Variants in SMYD3 observed in about 807,000 individuals in gnomAD.
The protein encoded by SMYD3 is SET and MYND domain containing 3.
A neutral mutation model predicts 57.7 loss-of-function variants in SMYD3; 36 were observed. The observed-to-expected ratio is 0.62, with a 90% CI of 0.48 to 0.82. The LOEUF is 0.82. Among genes scored for constraint, SMYD3 ranks in the 40% least tolerant of loss-of-function variants. The pLI is 0.00. For missense variants in SMYD3, 515 were observed against 538.8 expected (o/e 0.96, Z 0.44); for synonymous variants, 211 against 195.0 (o/e 1.08, Z -0.68).
At chr1:246,441,107 C>T (rs761423742) in intron 1 of SMYD3, among the ~76,000 whole-genome samples, 2 of 152,132 alleles carry the variant, frequency 1.3e-5, no homozygotes, top group Admixed American at 6.5e-5. Context: ...CGTAAGTACA[C>T]GCACATTCCA....
intron 5 of SMYD3, among the ~76,000 whole-genome samples, chr1:246,259,066 G>A (rs1471492586): frequency 1.3e-5 from 2 of 152,116 alleles, no homozygotes; most frequent in Non-Finnish European, 2.9e-5. Context: ...TTCCAGAACT[G>A]GTTGATTTCT....
chr1:246,385,145 T>C (rs1053007268), intron 1 of SMYD3, among the ~76,000 whole-genome samples: 2 of 152,228 alleles, frequency 1.3e-5, no homozygotes, highest in African/African-American at 4.8e-5. Flanking sequence ...TTATCTTTTG[T>C]CTCCAGCATG....
At chr1:246,002,738 C>T (rs1276548526) in intron 5 of SMYD3, among the ~76,000 whole-genome samples, 1 of 152,150 alleles carries the variant, frequency 6.6e-6, no homozygotes, top group Non-Finnish European at 1.5e-5. Context: ...AGGCGCCCGC[C>T]ACCACGCCCG....
chr1:245,895,707 C>A (rs541480780), intron 8 of SMYD3, among the ~76,000 whole-genome samples: 9 of 152,188 alleles, frequency 5.9e-5, no homozygotes, highest in Admixed American at 1.3e-4. Context: ...CCGGTTTTCA[C>A]GGTTTACAGG....
At chr1:245,896,401 A>AAAAAC (rs2148600590) in intron 8 of SMYD3, among the ~76,000 whole-genome samples, 1 of 151,546 alleles carries the variant, frequency 6.6e-6, no homozygotes, top group African/African-American at 2.4e-5. Flanking sequence ...AAAAAAAAAA[A>AAAAAC]AAAAACAGGC....
At chr1:246,378,602 T>C (rs1041967577) in intron 1 of SMYD3, among the ~76,000 whole-genome samples, 24 of 144,604 alleles carry the variant, frequency 1.7e-4, no homozygotes, top group African/African-American at 6.0e-4. Context: ...TTGTGAGACC[T>C]TGTGATTGTG....
intron 1 of SMYD3, among the ~76,000 whole-genome samples, chr1:246,502,413 T>A (rs764640471): frequency 6.6e-6 from 1 of 152,200 alleles, no homozygotes; most frequent in Non-Finnish European, 1.5e-5. Context: ...ACTACAGGCA[T>A]GAGCCACCAT....
At chr1:246,257,231 A>T (rs530930765) in intron 5 of SMYD3, among the ~76,000 whole-genome samples, 3 of 152,258 alleles carry the variant, frequency 2.0e-5, no homozygotes, top group African/African-American at 7.2e-5. Context: ...TTTCTGCCTC[A>T]GTGATCTAAT....
intron 5 of SMYD3, among the ~76,000 whole-genome samples, chr1:246,202,000 C>A (rs1406517534): frequency 6.7e-6 from 1 of 149,476 alleles, no homozygotes; most frequent in African/African-American, 2.5e-5. Context: ...GCAACAGAGA[C>A]TCTGTCTCAA....
rs544015680 is a variant in SMYD3, at chr1:246,506,176, G to C, written c.164+878C>G. 3.2e-4 allele frequency among the ~76,000 whole-genome samples: 48 copies of C among 152,188 alleles called. 1 individual carries two copies. The highest frequency in any genetic ancestry group is 5.3e-4 in the Non-Finnish European group (36 of 68,044). On this transcript the variant is annotated intron_variant, in intron 1 of 11. Coordinates refer to ENST00000490107, the MANE Select transcript of SMYD3 (RefSeq NM_001167740.2). The stretch of plus-strand genomic sequence containing the variant: ...AAATCATCGCACTCATCTCAAAATA[G>C]AACTCTTCTTCCTCGCACACAGAAG...
chr1:246,267,315 T>C (rs1225298067), intron 5 of SMYD3, among the ~76,000 whole-genome samples: 1 of 152,206 alleles, frequency 6.6e-6, no homozygotes. Context: ...TGAAGTTTTA[T>C]CAATTAAGAA....
chr1:245,818,100 T>A (rs2048953487), intron 10 of SMYD3, among the ~76,000 whole-genome samples: 1 of 151,934 alleles, frequency 6.6e-6, no homozygotes, highest in Non-Finnish European at 1.5e-5. Flanking sequence ...AATTGTCAGA[T>A]TCACCAAAGT....
chr1:246,271,446 C>T (rs1223325098), intron 5 of SMYD3, among the ~76,000 whole-genome samples: 1 of 152,030 alleles, frequency 6.6e-6, no homozygotes, highest in African/African-American at 2.4e-5. Context: ...ACATTTAGGT[C>T]TTTGATCCAT....
At chr1:246,493,884 C>A (rs555838078) in intron 1 of SMYD3, among the ~76,000 whole-genome samples, 13 of 152,280 alleles carry the variant, frequency 8.5e-5, no homozygotes, top group African/African-American at 3.1e-4. Flanking sequence ...CCAGCACTCA[C>A]CCTTCACTGC....
chr1:246,476,119 AT>A (rs1227182876), intron 1 of SMYD3, among the ~76,000 whole-genome samples: 1 of 152,216 alleles, frequency 6.6e-6, no homozygotes, highest in African/African-American at 2.4e-5. Flanking sequence ...TGGACATTTT[AT>A]TCTATAATTA....
At chr1:245,965,941 T>C (rs897686732) in intron 5 of SMYD3, among the ~76,000 whole-genome samples, 1 of 152,040 alleles carries the variant, frequency 6.6e-6, no homozygotes, top group Non-Finnish European at 1.5e-5. Context: ...CCAATCTGGT[T>C]TGGGATGTTT....
chr1:245,913,453 T>A (rs1037966219), intron 8 of SMYD3, among the ~76,000 whole-genome samples: 2 of 151,514 alleles, frequency 1.3e-5, no homozygotes, highest in African/African-American at 4.9e-5. Context: ...ATGGCACATG[T>A]ATACATATGT....
chr1:245,982,173 C>T (rs1362574214), intron 5 of SMYD3, among the ~76,000 whole-genome samples: 1 of 152,204 alleles, frequency 6.6e-6, no homozygotes, highest in African/African-American at 2.4e-5. Context: ...CTTGTTCTGT[C>T]ACCCAGGCTG....
chr1:246,173,664 C>T (rs1006636760), intron 5 of SMYD3, among the ~76,000 whole-genome samples: 3 of 152,164 alleles, frequency 2.0e-5, no homozygotes, highest in African/African-American at 7.2e-5. Flanking sequence ...TCATGAATAG[C>T]ACTGTCTTCC....
Sources: gnomAD v4.1 joint callset for allele counts (sites outside exome capture counted in the v4.1 genomes callset) on GRCh38, gnomAD v4.1.1 for gene constraint, MANE v1.5 for transcripts, NCBI Gene and HGNC (gene_info 2026-07-23, HGNC 2026-07-21) for gene names.